The following CDH18 variants were observed in gnomAD, a reference collection of about 807,000 sequenced individuals.
The protein encoded by CDH18 is cadherin 18, also known as cadherin-18.
Under a neutral mutation model 67.9 loss-of-function variants are expected in CDH18, and 31 were observed. The observed-to-expected ratio is 0.46, with a 90% CI of 0.34 to 0.62. The LOEUF (loss-of-function observed/expected upper bound fraction) is 0.62. CDH18 is among the 20% of genes least tolerant of loss of function. The probability of loss-of-function intolerance (pLI) is 0.01; values close to 1 mark genes in which losing one functional copy is unlikely to be tolerated. For synonymous variants in CDH18, 362 were observed against 347.2 expected (o/e 1.04, Z -0.48); for missense variants, 890 against 975.5 (o/e 0.91, Z 1.17).
chr5:19,768,875 A>C (rs1201016371), intron 3 of CDH18, among the ~76,000 whole-genome samples: 1 of 152,202 alleles, frequency 6.6e-6, no homozygotes, highest in Non-Finnish European at 1.5e-5. Flanking sequence ...AATAAACATT[A>C]TAAGACACAA....
intron 2 of CDH18, chr5:20,158,877 C>T (rs1751758179): frequency 1.5e-5 from 3 of 202,560 alleles, no homozygotes; most frequent in Non-Finnish European, 3.5e-5. Context: ...GTTATCATTC[C>T]CTGAATGGGA....
chr5:19,877,999 T>C (rs1251680481), intron 2 of CDH18: 1 of 152,124 alleles, frequency 6.6e-6, no homozygotes, highest in Non-Finnish European at 1.5e-5. Context: ...ATTACCACTT[T>C]CCTTATTGAC....
chr5:20,198,821 G>C (rs948197749), intron 2 of CDH18, among the ~76,000 whole-genome samples: 4 of 152,180 alleles, frequency 2.6e-5, no homozygotes, highest in African/African-American at 7.2e-5. Flanking sequence ...TTGGTGCCCT[G>C]TGACCCAGTT....
rs193004080 is a variant in CDH18 at position 19,518,218 on chromosome 5, G to A, written c.1512+2439C>T. On this transcript the variant is annotated intron_variant, in intron 10 of 12. Transcript: ENST00000382275. The stretch of plus-strand genomic sequence containing the variant: ...GAATAAATTATATAAACTGCACAAT[G>A]CTTTCAAGTATAACTTTACTGTGTC... 2.4e-3 allele frequency among the ~76,000 whole-genome samples: 365 copies of A among 152,128 alleles called. 1 individual carries two copies. The highest frequency in any genetic ancestry group is 4.2e-3 in the Non-Finnish European group (284 of 67,996).
At chr5:19,930,617 G>C (rs1305238442) in intron 2 of CDH18, among the ~76,000 whole-genome samples, 2 of 151,920 alleles carry the variant, frequency 1.3e-5, no homozygotes. Flanking sequence ...ACACTTGTAC[G>C]TGAGAAGATA....
chr5:19,728,320 T>C (rs1193534591), intron 4 of CDH18, among the ~76,000 whole-genome samples: 1 of 152,168 alleles, frequency 6.6e-6, no homozygotes, highest in African/African-American at 2.4e-5. Context: ...CAAGTTTCAT[T>C]GCTTTTTGGT....
intron 1 of CDH18, among the ~76,000 whole-genome samples, chr5:20,426,166 T>C (rs1313980435): frequency 6.6e-6 from 1 of 151,236 alleles, no homozygotes; most frequent in South Asian, 2.1e-4. Flanking sequence ...GACAACTTTG[T>C]GGCTCAGTTC....
chr5:20,222,791 C>T (rs963788706), intron 2 of CDH18, among the ~76,000 whole-genome samples: 2 of 151,744 alleles, frequency 1.3e-5, no homozygotes, highest in African/African-American at 2.4e-5. Flanking sequence ...CAGAAGTAAC[C>T]GAATTGTGCA....
chr5:19,895,587 A>T (rs904212753), intron 2 of CDH18, among the ~76,000 whole-genome samples: 11 of 152,200 alleles, frequency 7.2e-5, no homozygotes, highest in Non-Finnish European at 1.0e-4. Context: ...GTTATTTGTT[A>T]TAACCTGGAT....
chr5:20,104,634 C>G (rs1746770554), intron 2 of CDH18, among the ~76,000 whole-genome samples: 2 of 152,182 alleles, frequency 1.3e-5, no homozygotes, highest in South Asian at 4.2e-4. Flanking sequence ...ACGTCTGTCC[C>G]TCTTCTCCAC....
chr5:19,791,982 GTATT>G (rs1341691732), intron 3 of CDH18, among the ~76,000 whole-genome samples: 13 of 152,120 alleles, frequency 8.5e-5, no homozygotes, highest in African/African-American at 3.1e-4. Flanking sequence ...TAAAATGTAT[GTATT>G]TCTTTTTACC....
chr5:19,974,520 C>CAAAAAA (rs70954626), intron 2 of CDH18, among the ~76,000 whole-genome samples: 1 of 78,276 alleles, frequency 1.3e-5, no homozygotes, highest in African/African-American at 5.0e-5. Context: ...TCCTGTCTCC[C>CAAAAAA]AAAAAAAAAA....
At chr5:20,147,931 C>T (rs1750787795) in intron 2 of CDH18, among the ~76,000 whole-genome samples, 1 of 152,072 alleles carries the variant, frequency 6.6e-6, no homozygotes, top group Non-Finnish European at 1.5e-5. Context: ...CAATAACCAA[C>T]TTAAAGAGTT....
chr5:19,887,898 C>T (rs1788391600), intron 2 of CDH18, among the ~76,000 whole-genome samples: 2 of 151,892 alleles, frequency 1.3e-5, no homozygotes, highest in African/African-American at 4.8e-5. Context: ...TGGTGTGAGA[C>T]AAAGGTCATG....
intron 2 of CDH18, among the ~76,000 whole-genome samples, chr5:19,890,607 T>TTC: frequency 7.3e-6 from 1 of 137,120 alleles, no homozygotes; most frequent in South Asian, 2.6e-4. Context: ...ATTTTTTTTT[T>TTC]TTTTTGAGAC....
At chr5:19,951,427 G>A (rs1221269903) in intron 2 of CDH18, among the ~76,000 whole-genome samples, 2 of 152,090 alleles carry the variant, frequency 1.3e-5, no homozygotes, top group Non-Finnish European at 2.9e-5. Context: ...TAACAAATAT[G>A]TAGATGAGTA....
intron 2 of CDH18, among the ~76,000 whole-genome samples, chr5:19,852,416 A>G (rs181869563): frequency 1.3e-5 from 2 of 151,938 alleles, no homozygotes; most frequent in African/African-American, 2.4e-5. Flanking sequence ...GTAAACAGTA[A>G]CCGTTCTCAT....
chr5:19,591,298 T>C (rs1261124750), intron 6 of CDH18, 54 bp from the exon 7 acceptor site: 3 of 1,240,522 alleles, frequency 2.4e-6, no homozygotes, highest in Non-Finnish European at 3.3e-6. Flanking sequence ...TGAAATAATC[T>C]TACAAGAAAA....
intron 1 of CDH18, among the ~76,000 whole-genome samples, chr5:20,513,839 C>A (rs1755199538): frequency 3.3e-5 from 5 of 152,164 alleles, no homozygotes; most frequent in Middle Eastern, 3.4e-3. Context: ...ATGACCATTT[C>A]TATCTCTTAA....
Sources: allele counts gnomAD v4.1 joint callset (sites outside exome capture counted in the v4.1 genomes callset), GRCh38; gene constraint gnomAD v4.1.1; transcripts MANE v1.5; gene names NCBI Gene and HGNC (gene_info 2026-07-23, HGNC 2026-07-21).